The following ERC2 variants were observed in gnomAD, a reference collection of about 807,000 sequenced individuals.
ERC2 encodes ELKS/RAB6-interacting/CAST family member 2.
ERC2 carries 42 observed loss-of-function variants against 114.8 expected under a neutral mutation model. The observed-to-expected ratio is 0.37, with a 90% confidence interval of 0.29 to 0.47. The LOEUF is 0.47. Among genes scored for constraint, ERC2 ranks in the 20% least tolerant of loss-of-function variants. The probability of loss-of-function intolerance (pLI) is 0.99; values close to 1 mark genes in which losing one functional copy is unlikely to be tolerated. For missense variants in ERC2, 939 were observed against 1,150.7 expected (o/e 0.82, Z 2.66); for synonymous variants, 454 against 425.5 (o/e 1.07, Z -0.82).
intron 3 of ERC2, among the ~76,000 whole-genome samples, chr3:56,202,177 C>T (rs1215221896): frequency 6.6e-6 from 1 of 152,126 alleles, no homozygotes; most frequent in Non-Finnish European, 1.5e-5. Flanking sequence ...AAGAACATCC[C>T]CAGGTAAAAA....
At chr3:55,675,591 G>A (rs2061749411) in intron 17 of ERC2, among the ~76,000 whole-genome samples, 2 of 152,276 alleles carry the variant, frequency 1.3e-5, no homozygotes, top group South Asian at 4.1e-4. Context: ...TGGGGCTGGA[G>A]TTGCTTTCCC....
At chr3:56,416,392 G>A (rs905869029) in intron 2 of ERC2, among the ~76,000 whole-genome samples, 9 of 151,948 alleles carry the variant, frequency 5.9e-5, no homozygotes, top group Non-Finnish European at 1.3e-4. Context: ...TAAAAATATG[G>A]TCAACTATGT....
At chr3:55,623,984 A>G (rs1305618210) in intron 17 of ERC2, among the ~76,000 whole-genome samples, 4 of 152,216 alleles carry the variant, frequency 2.6e-5, no homozygotes, top group Non-Finnish European at 5.9e-5. Context: ...TGCTTCATGT[A>G]TGATTGCCAA....
chr3:56,112,131 C>T (rs189950170), intron 6 of ERC2, among the ~76,000 whole-genome samples: 19 of 152,230 alleles, frequency 1.2e-4, no homozygotes, highest in Admixed American at 7.2e-4. Context: ...AGTGCAGCTG[C>T]GACTGATAAA....
chr3:56,272,068 A>G (rs1233782788), intron 3 of ERC2, among the ~76,000 whole-genome samples: 1 of 152,146 alleles, frequency 6.6e-6, no homozygotes, highest in Non-Finnish European at 1.5e-5. Flanking sequence ...CATGACCTTA[A>G]TTATTATTAA....
At chr3:55,677,837 C>T (rs2061885271) in intron 17 of ERC2, among the ~76,000 whole-genome samples, 1 of 152,140 alleles carries the variant, frequency 6.6e-6, no homozygotes, top group African/African-American at 2.4e-5. Context: ...ATTTGCAGAG[C>T]CTCCAGGGCT....
At chr3:55,807,633 A>T (rs1225699262) in intron 14 of ERC2, among the ~76,000 whole-genome samples, 1 of 152,218 alleles carries the variant, frequency 6.6e-6, no homozygotes, top group Non-Finnish European at 1.5e-5. Context: ...GGATTTGGCC[A>T]GCCGCAGTTT....
intron 13 of ERC2, among the ~76,000 whole-genome samples, chr3:55,915,018 A>C (rs1301783303): frequency 6.6e-6 from 1 of 152,186 alleles, no homozygotes; most frequent in Non-Finnish European, 1.5e-5. Context: ...CTTTTATAAA[A>C]TCTATGCCGT....
intron 13 of ERC2, among the ~76,000 whole-genome samples, chr3:55,903,378 A>C (rs2064251585): frequency 6.6e-6 from 1 of 152,240 alleles, no homozygotes; most frequent in Non-Finnish European, 1.5e-5. Context: ...AAGACAAATA[A>C]AAGTGAAAAC....
intron 14 of ERC2, among the ~76,000 whole-genome samples, chr3:55,738,993 G>C (rs1180087677): frequency 6.6e-6 from 1 of 152,110 alleles, no homozygotes; most frequent in Non-Finnish European, 1.5e-5. Context: ...TCCCACCTAT[G>C]AGTGAGAACA....
chr3:56,023,774 T>TGAAGGAAGGAAGCAAGGAAGGAAG (rs2073873355), intron 7 of ERC2, among the ~76,000 whole-genome samples: 1 of 131,772 alleles, frequency 7.6e-6, no homozygotes, highest in Non-Finnish European at 1.6e-5. Flanking sequence ...AAAAAAGGAA[T>TGAAGGAAGGAAGCAAGGAAGGAAG]GAAGGAAGGA....
At chr3:55,829,523 A>G (rs553213168) in intron 14 of ERC2, among the ~76,000 whole-genome samples, 22 of 152,156 alleles carry the variant, frequency 1.4e-4, no homozygotes, top group Non-Finnish European at 3.1e-4. Context: ...ATATCAAAAT[A>G]TATTTTTTCT....
intron 14 of ERC2, among the ~76,000 whole-genome samples, chr3:55,862,626 C>A (rs1480085820): frequency 6.6e-6 from 1 of 152,058 alleles, no homozygotes; most frequent in Non-Finnish European, 1.5e-5. Context: ...TGATATCTAC[C>A]CTGATTTCTC....
intron 1 of ERC2, among the ~76,000 whole-genome samples, chr3:56,458,907 T>C (rs977688667): frequency 4.6e-5 from 7 of 152,242 alleles, no homozygotes; most frequent in African/African-American, 1.4e-4. Flanking sequence ...CGACTGCTCC[T>C]CGAGGTGATG....
chr3:55,844,062 A>G (rs1019394098), intron 14 of ERC2, among the ~76,000 whole-genome samples: 3 of 152,214 alleles, frequency 2.0e-5, no homozygotes, highest in Non-Finnish European at 2.9e-5. Flanking sequence ...ATTCCTTTCA[A>G]ATATTAAATA....
chr3:55,616,235 T>A (rs1170965335), intron 17 of ERC2, among the ~76,000 whole-genome samples: 2 of 152,200 alleles, frequency 1.3e-5, no homozygotes, highest in African/African-American at 4.8e-5. Context: ...TTTCTTTAGT[T>A]GAGAAAATAA....
intron 14 of ERC2, among the ~76,000 whole-genome samples, chr3:55,815,015 TG>T (rs2059856875): frequency 6.6e-6 from 1 of 152,180 alleles, no homozygotes; most frequent in Non-Finnish European, 1.5e-5. Flanking sequence ...CCCATCTTAC[TG>T]GGGCAGTCCA....
chr3:56,463,948 A>G (rs902213582), intron 1 of ERC2, among the ~76,000 whole-genome samples: 1 of 152,242 alleles, frequency 6.6e-6, no homozygotes, highest in Non-Finnish European at 1.5e-5. Flanking sequence ...GTTCTAATAA[A>G]TAGTGCCTTA....
chr3:55,777,093 C>G (rs189645256), intron 14 of ERC2, among the ~76,000 whole-genome samples: 78 of 152,084 alleles, frequency 5.1e-4, no homozygotes, highest in Admixed American at 2.1e-3. Context: ...AAAATAATAA[C>G]AGCAATATCT....
Sources: allele counts gnomAD v4.1 joint callset (sites outside exome capture counted in the v4.1 genomes callset), GRCh38; gene constraint gnomAD v4.1.1; transcripts MANE v1.5; gene names NCBI Gene and HGNC (gene_info 2026-07-23, HGNC 2026-07-21).